Variants in IL6R observed in about 807,000 individuals in gnomAD.
The protein encoded by IL6R is interleukin 6 receptor.
A neutral mutation model predicts 48.3 loss-of-function variants in IL6R; 38 were observed. The observed-to-expected ratio is 0.79, with a 90% CI of 0.61 to 1.03. The LOEUF is 1.03. Among genes scored for constraint, IL6R ranks in the 50% least tolerant of loss-of-function variants. The pLI is 0.00. For missense variants in IL6R, 534 were observed against 618.3 expected, an observed-to-expected ratio of 0.86 and a Z score of 1.45; for synonymous variants, 264 against 256.2, an observed-to-expected ratio of 1.03 and a Z score of -0.29.
In IL6R at chr1:154,449,931, CGAT is replaced by C; in HGVS notation, c.1021_1023del (p.Asp341del). On this transcript the variant is annotated inframe_deletion, in exon 8 of 10. Transcript: ENST00000368485. ...TTTAGGCACTTACTACTAATAAAGA[CGAT>C]GATAATATTCTCTTCAGAGATTCTG... 1 of 1,609,146 alleles carries C rather than the reference CGAT, an allele frequency of 6.2e-7. No individual in the cohort carries two copies. The highest frequency in any genetic ancestry group is 8.5e-7 in the Non-Finnish European group (1 of 1,175,558).
chr1:154,423,874 A>G (rs1688827022), intron 1 of IL6R, among the ~76,000 whole-genome samples: 1 of 152,170 alleles, frequency 6.6e-6, no homozygotes, highest in African/African-American at 2.4e-5. Flanking sequence ...TTTATTTGGT[A>G]TTTCTCTGAG....
chr1:154,452,244 G>A (rs1355362555), intron 8 of IL6R, among the ~76,000 whole-genome samples: 2 of 152,132 alleles, frequency 1.3e-5, no homozygotes, highest in Admixed American at 1.3e-4. Flanking sequence ...ATCTCCCCCA[G>A]AGTAAAAGTC....
chr1:154,447,440 A>C (rs1288583368), intron 6 of IL6R, among the ~76,000 whole-genome samples: 1 of 46,104 alleles, frequency 2.2e-5, no homozygotes. Flanking sequence ...CTCCATCTCA[A>C]AAAAAAAAAA....
chr1:154,448,518 C>T (rs753839857), intron 7 of IL6R, among the ~76,000 whole-genome samples: 1 of 152,206 alleles, frequency 6.6e-6, no homozygotes, highest in Non-Finnish European at 1.5e-5. Context: ...ACATAATTTG[C>T]TGGAAAGAGG....
intron 1 of IL6R, chr1:154,414,547 G>A (rs1203119504): frequency 1.5e-5 from 11 of 756,706 alleles, no homozygotes; most frequent in Admixed American, 1.4e-4. Flanking sequence ...TGAAGAAGAG[G>A]ATCTGGTGGC....
chr1:154,414,651 G>T, intron 1 of IL6R: 1 of 843,690 alleles, frequency 1.2e-6, no homozygotes, highest in Non-Finnish European at 2.0e-6. Context: ...AGACGGTGTA[G>T]CTCTTGGCGA....
rs1691687384 is a variant in IL6R, at chr1:154,469,307, A to G, written c.*3927A>G. The G allele has an allele frequency of 6.6e-6, 1 of 152,118 alleles. No individual in the cohort carries two copies. The highest frequency in any genetic ancestry group is 1.5e-5 in the Non-Finnish European group (1 of 68,020). 9.4% of individuals were successfully genotyped at this position (152,118 alleles called of 1,614,324 possible). On this transcript the variant is annotated 3_prime_UTR_variant, in exon 10 of 10. Transcript: ENST00000368485. ...TTTCAAGTTTTTGTTTGTTTGTTTT[A>G]CCTAATTACCTGAAAGCAAATACCA...
chr1:154,429,653 C>G (rs1689181801), intron 2 of IL6R, among the ~76,000 whole-genome samples: 1 of 152,094 alleles, frequency 6.6e-6, no homozygotes. Context: ...GGAACATTGG[C>G]TTTGGGAGTT....
intron 1 of IL6R, among the ~76,000 whole-genome samples, chr1:154,420,770 A>T (rs1688617439): frequency 6.6e-6 from 1 of 151,898 alleles, no homozygotes; most frequent in Non-Finnish European, 1.5e-5. Flanking sequence ...TCCTGACCTC[A>T]AGTGATCCAC....
At chr1:154,426,158 T>TCACA (rs1458649669) in intron 1 of IL6R, among the ~76,000 whole-genome samples, 1 of 73,258 alleles carries the variant, frequency 1.4e-5, no homozygotes, top group African/African-American at 5.3e-5. Context: ...AGACCCTGTA[T>TCACA]CAGACACACA....
intron 1 of IL6R, chr1:154,414,410 G>T: frequency 7.0e-7 from 1 of 1,422,892 alleles, no homozygotes; most frequent in East Asian, 2.4e-5. Flanking sequence ...GACCTGTTTG[G>T]CCAGTTCTGT....
intron 1 of IL6R, among the ~76,000 whole-genome samples, chr1:154,408,616 C>G (rs1334138409): frequency 6.6e-6 from 1 of 152,074 alleles, no homozygotes; most frequent in African/African-American, 2.4e-5. Flanking sequence ...CATCTCCAGC[C>G]CTCAGCAGCC....
chr1:154,405,698 G>T lies in IL6R; in HGVS notation c.69G>T (p.Arg23Ser). ...CGCCGGGAGCGGCGCTGGCCCCAAG[G>T]CGCTGCCCTGCGCAGGGTAAGGGCT... The part of the protein sequence containing the change: ...LAAPGAALAP[R>S]RCPAQEVARG... The change falls in exon 1 of 10, where the codon AGG becomes AGT. Residue 23 changes from arginine to serine, a missense_variant. By Grantham distance (110) the Arg-to-Ser change is moderately radical (BLOSUM62 -1). Coordinates refer to ENST00000368485, the MANE Select transcript of IL6R (RefSeq NM_000565.4). This position sits in a 1 kb window ranked among gnomAD's most constrained non-coding sequence, Gnocchi z 5.2. 6.6e-7 allele frequency: 1 copy of T among 1,518,774 alleles called. No homozygotes were observed. Among genetic ancestry groups the T allele is most frequent in the Non-Finnish European group, 8.8e-7 (1 of 1,140,560 alleles). 94.1% of individuals were successfully genotyped at this position (1,518,774 alleles called of 1,614,324 possible).
intron 9 of IL6R, among the ~76,000 whole-genome samples, chr1:154,455,645 G>C (rs567503783): frequency 1.3e-5 from 2 of 150,744 alleles, no homozygotes; most frequent in East Asian, 4.0e-4. Context: ...GTAGAGACAG[G>C]GTTTCACCGT....
chr1:154,417,016 A>G (rs535817154), intron 1 of IL6R, among the ~76,000 whole-genome samples: 20 of 152,174 alleles, frequency 1.3e-4, no homozygotes, highest in Non-Finnish European at 2.2e-4. Flanking sequence ...CTCATAGCTA[A>G]GGGGGTCAGG....
At chr1:154,443,007 C>G (rs1235682478) in intron 6 of IL6R, among the ~76,000 whole-genome samples, 2 of 152,186 alleles carry the variant, frequency 1.3e-5, no homozygotes, top group Non-Finnish European at 2.9e-5. Flanking sequence ...CCTGCCTCAG[C>G]CTCCCAAAGC....
chr1:154,408,080 T>C (rs962567065), intron 1 of IL6R, among the ~76,000 whole-genome samples: 5 of 152,142 alleles, frequency 3.3e-5, no homozygotes, highest in African/African-American at 1.2e-4. Flanking sequence ...ATCTGGTGTG[T>C]GTGCTGGGTG....
At chr1:154,441,800 C>T (rs1394368519) in intron 6 of IL6R, among the ~76,000 whole-genome samples, 3 of 151,974 alleles carry the variant, frequency 2.0e-5, no homozygotes, top group African/African-American at 7.3e-5. Context: ...GAGTGGTGGC[C>T]TTTGGGAGAC....
intron 9 of IL6R, among the ~76,000 whole-genome samples, chr1:154,461,429 C>T (rs7546552): frequency 1.3e-5 from 2 of 151,668 alleles, no homozygotes; most frequent in East Asian, 3.9e-4. Context: ...CAGACACTGG[C>T]GTTACCGCTT....
Sources: allele counts gnomAD v4.1 joint callset (sites outside exome capture counted in the v4.1 genomes callset), GRCh38; gene constraint gnomAD v4.1.1; non-coding constraint Gnocchi (gnomAD v3.1); transcripts MANE v1.5; gene names NCBI Gene and HGNC (gene_info 2026-07-23, HGNC 2026-07-21).